Variants in TBXAS1 observed in about 807,000 individuals in gnomAD.
The protein encoded by TBXAS1 is thromboxane-A synthase.
TBXAS1 carries 48 observed loss-of-function variants against 60.7 expected under a neutral mutation model. The observed-to-expected ratio is 0.79, with a 90% CI of 0.63 to 1.01. The LOEUF is 1.01. Ranked by LOEUF, TBXAS1 falls within the 50% of genes least tolerant of loss-of-function variation. The probability of loss-of-function intolerance (pLI) is 0.00; values close to 1 mark genes in which losing one functional copy is unlikely to be tolerated. For missense variants in TBXAS1, 685 were observed against 686.3 expected, an observed-to-expected ratio of 1.00 and a Z score of 0.02; for synonymous variants, 287 against 269.7, an observed-to-expected ratio of 1.06 and a Z score of -0.63.
rs1160990683 is a variant in TBXAS1 at position 140,015,830 on chromosome 7, G to A, written c.1334G>A (p.Trp445Ter). 6.2e-7 allele frequency: 1 copy of A among 1,613,860 alleles called. No homozygotes were observed. The highest frequency in any genetic ancestry group is 8.5e-7 in the Non-Finnish European group (1 of 1,180,046). ...VGALHHDPEHWPSPETFNPER... is the reference protein window; with the variant it reads ...VGALHHDPEH ...GCCCTGCACCATGACCCTGAGCACT[G>A]GCCAAGCCCGGAGACCTTCAACCCT... Residue 445 changes from tryptophan to a stop codon, truncating the protein, a stop_gained, in exon 11 of 13, where the codon TGG becomes TAG. Transcript: ENST00000448866. LOFTEE classifies it high-confidence loss of function.
chr7:139,911,379 C>A (rs762090005), intron 4 of TBXAS1, 58 bp downstream of exon 4: 1 of 1,451,964 alleles, frequency 6.9e-7, no homozygotes, highest in Non-Finnish European at 9.7e-7. Flanking sequence ...GATGGAGACA[C>A]TGCATGTCAG....
chr7:139,913,687 C>T (rs1805723540), intron 4 of TBXAS1: 1 of 153,698 alleles, frequency 6.5e-6, no homozygotes. Context: ...TTCACCATCC[C>T]CTCACCCACC....
chr7:139,868,819 G>T (rs1165096818), intron 1 of TBXAS1, among the ~76,000 whole-genome samples: 2 of 151,140 alleles, frequency 1.3e-5, no homozygotes, highest in African/African-American at 4.9e-5. Flanking sequence ...GTTACCTTTT[G>T]TATTTTTTTT....
chr7:139,961,267 A>C (rs537047450), intron 8 of TBXAS1, among the ~76,000 whole-genome samples: 99 of 152,208 alleles, frequency 6.5e-4, no homozygotes, highest in Non-Finnish European at 1.3e-3. Flanking sequence ...ACTTCTGTTA[A>C]CTTCCTACTG....
intron 1 of TBXAS1, among the ~76,000 whole-genome samples, chr7:139,842,444 C>T (rs538622654): frequency 2.6e-5 from 4 of 152,306 alleles, no homozygotes; most frequent in South Asian, 2.1e-4. Flanking sequence ...TAACAACTAT[C>T]GCTTGCCACT....
At chr7:139,841,270 G>A (rs1799429203) in intron 1 of TBXAS1, among the ~76,000 whole-genome samples, 1 of 152,182 alleles carries the variant, frequency 6.6e-6, no homozygotes, top group Non-Finnish European at 1.5e-5. Flanking sequence ...GCTGGGTCTT[G>A]AAATGCAGGG....
At chr7:139,972,808 A>C (rs1811303692) in intron 9 of TBXAS1, among the ~76,000 whole-genome samples, 1 of 152,168 alleles carries the variant, frequency 6.6e-6, no homozygotes, top group Admixed American at 6.5e-5. Flanking sequence ...ACGACTAGGA[A>C]GCCTCGTCCG....
chr7:139,863,367 A>G (rs1477279831), intron 1 of TBXAS1, among the ~76,000 whole-genome samples: 2 of 151,956 alleles, frequency 1.3e-5, no homozygotes, highest in Admixed American at 6.6e-5. Context: ...GTAGTCTTCT[A>G]TTTTTTTTCC....
chr7:139,861,670 C>T (rs112687417), intron 1 of TBXAS1, among the ~76,000 whole-genome samples: 11 of 152,244 alleles, frequency 7.2e-5, no homozygotes, highest in South Asian at 6.2e-4. Flanking sequence ...GAATTAAGTG[C>T]GTAACATCTG....
intron 1 of TBXAS1, among the ~76,000 whole-genome samples, chr7:139,861,297 G>T (rs934337702): frequency 2.0e-5 from 3 of 151,700 alleles, no homozygotes; most frequent in Non-Finnish European, 4.4e-5. Context: ...GCAGTGGTGC[G>T]ATCATAGCTC....
intron 4 of TBXAS1, among the ~76,000 whole-genome samples, chr7:139,918,772 G>A (rs1584853195): frequency 6.6e-6 from 1 of 152,084 alleles, no homozygotes; most frequent in Non-Finnish European, 1.5e-5. Context: ...GCCACCACAT[G>A]CCCCTGAGCT....
At chr7:139,871,438 G>A (rs1215106331) in intron 1 of TBXAS1, among the ~76,000 whole-genome samples, 3 of 152,184 alleles carry the variant, frequency 2.0e-5, no homozygotes, top group African/African-American at 7.2e-5. Flanking sequence ...AGCCATATGT[G>A]CAGGTTTTTC....
intron 9 of TBXAS1, among the ~76,000 whole-genome samples, chr7:139,988,743 G>C (rs1313807678): frequency 6.6e-6 from 1 of 152,088 alleles, no homozygotes; most frequent in Non-Finnish European, 1.5e-5. Flanking sequence ...AAAGTAGTCT[G>C]CCCCAGTGGT....
At chr7:139,863,455 T>G (rs181905316) in intron 1 of TBXAS1, among the ~76,000 whole-genome samples, 14 of 152,110 alleles carry the variant, frequency 9.2e-5, no homozygotes, top group Admixed American at 3.3e-4. Context: ...GTATATAGGG[T>G]GGGACAGAAT....
chr7:139,859,865 A>G (rs185240364), intron 1 of TBXAS1, among the ~76,000 whole-genome samples: 36 of 152,314 alleles, frequency 2.4e-4, no homozygotes, highest in African/African-American at 7.2e-4. Flanking sequence ...TTGGCCAGGC[A>G]TGGTGGCTGA....
intron 5 of TBXAS1, among the ~76,000 whole-genome samples, chr7:139,940,858 C>T (rs756663986): frequency 1.4e-4 from 21 of 152,012 alleles, no homozygotes; most frequent in Non-Finnish European, 2.8e-4. Flanking sequence ...AAGCTTTCTA[C>T]CTATTCTGCC....
chr7:139,952,277 C>T (rs536051748), intron 5 of TBXAS1, among the ~76,000 whole-genome samples: 22 of 152,156 alleles, frequency 1.4e-4, no homozygotes, highest in African/African-American at 3.4e-4. Context: ...ATAATCAGTA[C>T]GATGCCATGA....
Position 139,890,543 on chromosome 7 carries a change from C to A in TBXAS1, c.236+14906C>A, listed in dbSNP as rs62490076. ...ATGCAGTCTTTATTTGACCACAGAACATTTTTCCCCCCAGAGTATTTCTTG... is the reference window on the plus strand; with the variant it reads ...ATGCAGTCTTTATTTGACCACAGAAAATTTTTCCCCCCAGAGTATTTCTTG... On this transcript the variant is annotated intron_variant, in intron 3 of 12. Coordinates refer to ENST00000448866, the MANE Select transcript of TBXAS1 (RefSeq NM_001061.7). 4.3e-4 allele frequency among the ~76,000 whole-genome samples: 66 copies of A among 152,268 alleles called. No individual in the cohort carries two copies. The East Asian group carries it at 0.012, about 28-fold the overall frequency.
intron 3 of TBXAS1, among the ~76,000 whole-genome samples, chr7:139,879,219 T>G (rs1391472847): frequency 6.6e-6 from 1 of 152,206 alleles, no homozygotes; most frequent in African/African-American, 2.4e-5. Context: ...ACCACCATCA[T>G]CGAGAACAAA....
Sources: allele counts gnomAD v4.1 joint callset (sites outside exome capture counted in the v4.1 genomes callset), GRCh38; gene constraint gnomAD v4.1.1; transcripts MANE v1.5; gene names NCBI Gene and HGNC (gene_info 2026-07-23, HGNC 2026-07-21).